COL21A1: variants seen among roughly 807,000 people sequenced by gnomAD.
The protein encoded by COL21A1 is collagen alpha-1(XXI) chain.
Under a neutral mutation model 137.9 loss-of-function variants are expected in COL21A1, and 149 were observed. That is an observed-to-expected ratio of 1.08 (90% CI 0.95 to 1.24). The LOEUF is 1.24. COL21A1 is among the 50% of genes most tolerant of loss of function. The pLI is 0.00. For missense variants in COL21A1, 1,167 were observed against 1,158.4 expected (o/e 1.01, Z -0.11); for synonymous variants, 456 against 391.5 (o/e 1.16, Z -1.95).
chr6:56,143,199 C>CTTTTT (rs1201380404), intron 10 of COL21A1, among the ~76,000 whole-genome samples: 2 of 124,532 alleles, frequency 1.6e-5, no homozygotes, highest in African/African-American at 6.2e-5. Context: ...TACAATTTTT[C>CTTTTT]TTTTTTTTTT....
chr6:56,078,297 A>T (rs1192772435), intron 17 of COL21A1: 9 of 445,846 alleles, frequency 2.0e-5, no homozygotes, highest in Admixed American at 1.9e-4. Context: ...TGATGCATTT[A>T]CCCAACATGA....
At chr6:56,097,850 T>C (rs1336567838) in intron 17 of COL21A1, among the ~76,000 whole-genome samples, 7 of 98,384 alleles carry the variant, frequency 7.1e-5, no homozygotes, top group African/African-American at 2.6e-4. Flanking sequence ...TATATAAATA[T>C]ATATAAATAT....
At chr6:56,374,614 C>G (rs926556072) in intron 1 of COL21A1, among the ~76,000 whole-genome samples, 6 of 149,106 alleles carry the variant, frequency 4.0e-5, no homozygotes, top group African/African-American at 9.9e-5. Context: ...CCCAGCTACT[C>G]GGGAAGCTGA....
chr6:56,261,536 A>G (rs577033532), intron 1 of COL21A1, among the ~76,000 whole-genome samples: 9 of 152,202 alleles, frequency 5.9e-5, no homozygotes, highest in African/African-American at 2.2e-4. Context: ...GCAAGAAGGC[A>G]TCATCTGTGG....
chr6:56,066,032 C>T (rs529567865), intron 23 of COL21A1, among the ~76,000 whole-genome samples: 3 of 151,822 alleles, frequency 2.0e-5, no homozygotes, highest in South Asian at 2.1e-4. Flanking sequence ...TCTGTGAGTA[C>T]GAAGCGGTTT....
At chr6:56,160,255 C>T (rs1394887740) in intron 9 of COL21A1, among the ~76,000 whole-genome samples, 2 of 152,194 alleles carry the variant, frequency 1.3e-5, no homozygotes, top group African/African-American at 4.8e-5. Flanking sequence ...ACTGGTCCAA[C>T]AGATTTGCAT....
chr6:56,348,260 T>G (rs1278782304), intron 1 of COL21A1, among the ~76,000 whole-genome samples: 1 of 152,102 alleles, frequency 6.6e-6, no homozygotes, highest in Non-Finnish European at 1.5e-5. Flanking sequence ...AGTAGAGACA[T>G]AAGGGCACAT....
At position 56,164,381 on chromosome 6, in the gene COL21A1, T is replaced by C. The variant is rs771847382; in HGVS notation, c.1371+42A>G. On this transcript the variant is annotated intron_variant, in intron 9 of 29. Transcript: ENST00000244728. ...AATTGTATGGTTTACCCAGCTCTTG[T>C]TTGTGTGTTTTAACAAAAACAGCAA... 3.2e-6 allele frequency: 4 copies of C among 1,263,486 alleles called. No homozygotes were observed. In the South Asian group the frequency reaches 5.1e-5, roughly 16 times the overall value. 78.3% of individuals were successfully genotyped at this position (1,263,486 alleles called of 1,614,324 possible).
intron 3 of COL21A1, among the ~76,000 whole-genome samples, chr6:56,178,319 C>G (rs1478383852): frequency 6.6e-6 from 1 of 152,082 alleles, no homozygotes; most frequent in Non-Finnish European, 1.5e-5. Flanking sequence ...AATCTAACTA[C>G]TAGAGATTCA....
chr6:56,251,606 G>C (rs1425306396), upstream of COL21A1, among the ~76,000 whole-genome samples: 1 of 152,158 alleles, frequency 6.6e-6, no homozygotes, highest in Non-Finnish European at 1.5e-5. Flanking sequence ...GGAAATATTT[G>C]AGAATATTAA....
intron 1 of COL21A1, among the ~76,000 whole-genome samples, chr6:56,205,440 G>A (rs1779702911): frequency 6.6e-6 from 1 of 152,174 alleles, no homozygotes; most frequent in Non-Finnish European, 1.5e-5. Flanking sequence ...AGAGAAAAAA[G>A]AGTGAAAAGA....
At chr6:56,167,891 T>C (rs897898846) in intron 6 of COL21A1, among the ~76,000 whole-genome samples, 2 of 152,168 alleles carry the variant, frequency 1.3e-5, no homozygotes, top group Non-Finnish European at 2.9e-5. Context: ...AATTCTATCC[T>C]GAACCCAGGG....
At chr6:56,201,968 T>C (rs1334688633) in intron 1 of COL21A1, among the ~76,000 whole-genome samples, 1 of 152,162 alleles carries the variant, frequency 6.6e-6, no homozygotes, top group Non-Finnish European at 1.5e-5. Flanking sequence ...TATTATTTAA[T>C]ATTATTTGAA....
At chr6:56,122,438 G>A (rs559563588) in intron 16 of COL21A1, among the ~76,000 whole-genome samples, 3 of 151,742 alleles carry the variant, frequency 2.0e-5, no homozygotes, top group African/African-American at 4.8e-5. Context: ...TCAGCCTCCC[G>A]AGTAGCTGGG....
chr6:56,057,918 A>AACTT (rs1765469580), intron 29 of COL21A1, 74 bp from the exon 30 acceptor site: 5 of 1,038,936 alleles, frequency 4.8e-6, no homozygotes, highest in Non-Finnish European at 6.6e-6. Flanking sequence ...TTCTGCAAGA[A>AACTT]ACTTAAACTG....
intron 1 of COL21A1, among the ~76,000 whole-genome samples, chr6:56,307,621 C>T (rs948200658): frequency 3.3e-5 from 5 of 152,240 alleles, no homozygotes; most frequent in Admixed American, 2.6e-4. Context: ...TGCCGTCTGT[C>T]ACCCCTGTCT....
At chr6:56,243,004 T>A (rs1782426807) in intron 1 of COL21A1, among the ~76,000 whole-genome samples, 1 of 152,302 alleles carries the variant, frequency 6.6e-6, no homozygotes, top group East Asian at 1.9e-4. Context: ...TAAAAAAATA[T>A]GAATTGTTAT....
intron 1 of COL21A1, among the ~76,000 whole-genome samples, chr6:56,304,790 G>A (rs906000842): frequency 1.3e-5 from 2 of 152,094 alleles, no homozygotes; most frequent in Non-Finnish European, 2.9e-5. Flanking sequence ...GAATGTGTTT[G>A]CTCTTGCTTC....
intron 1 of COL21A1, among the ~76,000 whole-genome samples, chr6:56,229,344 G>T (rs1168120698): frequency 1.3e-5 from 2 of 151,944 alleles, no homozygotes; most frequent in East Asian, 3.9e-4. Flanking sequence ...CTTTAGCCTG[G>T]CCAATAGAGA....
Sources: allele counts gnomAD v4.1 joint callset (sites outside exome capture counted in the v4.1 genomes callset), GRCh38; gene constraint gnomAD v4.1.1; transcripts MANE v1.5; gene names NCBI Gene and HGNC (gene_info 2026-07-23, HGNC 2026-07-21).